TARS3: variants seen among roughly 807,000 people sequenced by gnomAD.
TARS3 encodes the protein threonyl-tRNA synthetase 3, also known as threonine--tRNA ligase 2, cytoplasmic.
Under a neutral mutation model 103.5 loss-of-function variants are expected in TARS3, and 94 were observed. That is an observed-to-expected ratio of 0.91 (90% CI 0.77 to 1.08). The LOEUF is 1.08. Among genes scored for constraint, TARS3 ranks in the 50% least tolerant of loss-of-function variants. The probability of loss-of-function intolerance (pLI) is 0.00; values close to 1 mark genes in which losing one functional copy is unlikely to be tolerated. For synonymous variants in TARS3, 416 were observed against 355.4 expected (o/e 1.17, Z -1.92); for missense variants, 952 against 995.2 (o/e 0.96, Z 0.58).
chr15:101,693,600 C>T (rs7495447), intron 10 of TARS3, among the ~76,000 whole-genome samples: 63,495 of 151,960 alleles, frequency 0.42, 14,538 homozygotes, highest in East Asian at 0.81. Flanking sequence ...AAAAACTGTA[C>T]ATGAATGACA....
rs556054057 is a variant in TARS3, at chr15:101,724,459, C to T, written c.-72G>A. The T allele has an allele frequency of 3.7e-6, 5 of 1,350,172 alleles. No homozygotes were observed. Among genetic ancestry groups the T allele is most frequent in the South Asian group, 1.8e-5 (1 of 54,086 alleles). 83.6% of individuals were successfully genotyped at this position (1,350,172 alleles called of 1,614,324 possible). ...CGGCGAGGGCGACGCGGACACTCAG[C>T]GCACGGCAGAAGACAGGGCTCCCGG... On this transcript the variant is annotated 5_prime_UTR_variant, in exon 1 of 19. Transcript: ENST00000335968.
At chr15:101,711,312 T>C (rs145692525) in intron 5 of TARS3, among the ~76,000 whole-genome samples, 1 of 152,376 alleles carries the variant, frequency 6.6e-6, no homozygotes, top group East Asian at 1.9e-4. Context: ...TTAAATGCCT[T>C]AGACCATTTC....
intron 18 of TARS3, among the ~76,000 whole-genome samples, chr15:101,655,467 A>C (rs1044151977): frequency 1.5e-5 from 2 of 137,346 alleles, no homozygotes; most frequent in African/African-American, 5.6e-5. Flanking sequence ...ACCTGGCACT[A>C]GGGCGCAAAT....
intron 10 of TARS3, among the ~76,000 whole-genome samples, chr15:101,696,660 T>C (rs1898997802): frequency 6.6e-6 from 1 of 152,210 alleles, no homozygotes; most frequent in Non-Finnish European, 1.5e-5. Context: ...AGACACCCTC[T>C]TGGCCAAAGG....
chr15:101,719,157 G>A (rs1228272030), intron 3 of TARS3, among the ~76,000 whole-genome samples: 1 of 152,172 alleles, frequency 6.6e-6, no homozygotes, highest in East Asian at 1.9e-4. Context: ...GGGCCTCAAG[G>A]TGGCTTCAAG....
chr15:101,710,565 A>G (rs569900296), intron 5 of TARS3, among the ~76,000 whole-genome samples: 16 of 152,142 alleles, frequency 1.1e-4, no homozygotes, highest in Non-Finnish European at 2.1e-4. Context: ...GTGTCCAGAG[A>G]GTTGGAGCAC....
Position 101,723,085 on chromosome 15 carries a change from C to T in TARS3, c.369+8G>A, listed in dbSNP as rs1031808012. ...GTATTTTATATTGTTTCCACAGCAA[C>T]AACTTACCTCGCTGTCAGCCTCGCT... On this transcript the variant is annotated splice_region_variant and intron_variant, in intron 2 of 18. Coordinates refer to ENST00000335968, the MANE Select transcript of TARS3 (RefSeq NM_152334.3). The T allele has an allele frequency of 1.9e-6, 3 of 1,613,552 alleles. No individual in the cohort carries two copies. Among genetic ancestry groups the T allele is most frequent in the Non-Finnish European group, 8.5e-7 (1 of 1,179,604 alleles).
At chr15:101,699,326 C>T in intron 10 of TARS3, 1 of 451,166 alleles carries the variant, frequency 2.2e-6, no homozygotes, top group Non-Finnish European at 4.5e-6. Context: ...AACCAGTGCC[C>T]TTACCTTAGA....
At chr15:101,709,293 G>A (rs958670940) in intron 5 of TARS3, among the ~76,000 whole-genome samples, 3 of 152,230 alleles carry the variant, frequency 2.0e-5, no homozygotes, top group Non-Finnish European at 2.9e-5. Flanking sequence ...ATGGAACCAA[G>A]GCTGGGAGAC....
At chr15:101,672,855 C>T (rs1897865986) in intron 13 of TARS3, among the ~76,000 whole-genome samples, 1 of 152,132 alleles carries the variant, frequency 6.6e-6, no homozygotes, top group Admixed American at 6.5e-5. Flanking sequence ...GTACATGTTT[C>T]CAGGACAAAT....
In TARS3 at chr15:101,685,978, G is replaced by A. The variant is rs901829556; in HGVS notation, c.1405C>T (p.Gln469Ter). ...SKLWEASGHW[Q>*]HYSENMFTFE... The stretch of plus-strand genomic sequence containing the variant: ...GTAAACATGTTCTCGCTGTAATGCT[G>A]CCAGTGGCCTGAGGCTTCCCAGAGT... The change falls in exon 11 of 19, where the codon CAG (glutamine) becomes TAG (stop). Residue 469 changes from glutamine (Q) to a stop codon, truncating the protein, a stop_gained. Coordinates refer to ENST00000335968, the MANE Select transcript of TARS3 (RefSeq NM_152334.3). LOFTEE classifies it high-confidence loss of function. 6.2e-7 allele frequency: 1 copy of A among 1,614,028 alleles called. No individual in the cohort carries two copies.
At chr15:101,677,825 T>G (rs2141398786) in intron 12 of TARS3, among the ~76,000 whole-genome samples, 1 of 151,736 alleles carries the variant, frequency 6.6e-6, no homozygotes, top group East Asian at 2.0e-4. Context: ...AGAGACAGGG[T>G]TTCTCCATGT....
chr15:101,718,175 C>A (rs926311268), intron 3 of TARS3, among the ~76,000 whole-genome samples: 1 of 152,064 alleles, frequency 6.6e-6, no homozygotes, highest in Non-Finnish European at 1.5e-5. Flanking sequence ...TCGAGACCAG[C>A]CTGACTAACA....
intron 12 of TARS3, among the ~76,000 whole-genome samples, chr15:101,681,440 T>C (rs151112407): frequency 6.6e-5 from 10 of 152,350 alleles, no homozygotes; most frequent in African/African-American, 2.4e-4. Flanking sequence ...AGGCCTTCTT[T>C]AAATTTATCT....
intron 10 of TARS3, among the ~76,000 whole-genome samples, chr15:101,700,105 A>G (rs903537562): frequency 6.6e-6 from 1 of 152,212 alleles, no homozygotes. Flanking sequence ...AGTTTTTGAG[A>G]GAAATTGGAG....
chr15:101,663,773 T>C (rs773533543), intron 15 of TARS3, among the ~76,000 whole-genome samples: 47 of 152,338 alleles, frequency 3.1e-4, no homozygotes, highest in Non-Finnish European at 4.7e-4. Context: ...CTTGCTTTCA[T>C]GTATTTGTAA....
rs150805412 is a variant in TARS3, at chr15:101,701,091, T to A, written c.1315A>T (p.Ile439Leu). 1,884 of 1,542,076 alleles carry A rather than the reference T, an allele frequency of 1.2e-3. 7 individuals carry two copies. Among genetic ancestry groups the A allele is most frequent in the South Asian group, 7.6e-3 (599 of 78,832 alleles). Reference sequence around the variant, plus strand: ...ACATTTTAAAGTTAACTTACTCGTATGAAATCTGTAAGCGTATTATAAATG... The same window carrying A: ...ACATTTTAAAGTTAACTTACTCGTAAGAAATCTGTAAGCGTATTATAAATG... Reference protein sequence around the residue: ...AFIYNTLTDFIREEYHKRDFT... With the variant: ...AFIYNTLTDFLREEYHKRDFT... Residue 439 changes from isoleucine (I) to leucine (L), a missense_variant, in exon 10 of 19, where the codon ATA becomes TTA. Physicochemically the swap from Ile to Leu is conservative, Grantham distance 5 (BLOSUM62 2). This residue lies in a region of TARS3 where 540 missense variants were observed against 631.0 expected (regional missense o/e 0.86). Coordinates refer to ENST00000335968, the MANE Select transcript of TARS3 (RefSeq NM_152334.3).
At chr15:101,702,699 G>A (rs928570828) in intron 8 of TARS3, among the ~76,000 whole-genome samples, 3 of 152,198 alleles carry the variant, frequency 2.0e-5, no homozygotes, top group African/African-American at 7.2e-5. Context: ...GAGCCCAGGA[G>A]GTCGAGGCTG....
At chr15:101,683,549 G>GT (rs1269745798) in intron 12 of TARS3, among the ~76,000 whole-genome samples, 1 of 152,142 alleles carries the variant, frequency 6.6e-6, no homozygotes, top group Non-Finnish European at 1.5e-5. Context: ...ATGACTGGGT[G>GT]TACACACATG....
Sources: allele counts gnomAD v4.1 joint callset (sites outside exome capture counted in the v4.1 genomes callset), GRCh38; gene constraint gnomAD v4.1.1; regional missense constraint gnomAD v4.1.1; transcripts MANE v1.5; gene names NCBI Gene and HGNC (gene_info 2026-07-23, HGNC 2026-07-21).